SLC9A9: variants seen among roughly 807,000 people sequenced by gnomAD.
SLC9A9 encodes solute carrier family 9 member A9.
A neutral mutation model predicts 77.8 loss-of-function variants in SLC9A9; 62 were observed. That is an observed-to-expected ratio of 0.80 (90% CI 0.65 to 0.98). The LOEUF (loss-of-function observed/expected upper bound fraction) is 0.98, where lower values mean the gene tolerates loss of function less well. SLC9A9 is among the 50% of genes least tolerant of loss of function. SLC9A9 has a pLI of 0.00. For synonymous variants in SLC9A9, 320 were observed against 283.5 expected (o/e 1.13, Z -1.29); for missense variants, 775 against 774.9 (o/e 1.00, Z 0.00).
chr3:143,731,289 GAGTAGGCCTCTGATTCCCA>G (rs1195108821), intron 4 of SLC9A9, among the ~76,000 whole-genome samples: 1 of 152,212 alleles, frequency 6.6e-6, no homozygotes, highest in Non-Finnish European at 1.5e-5. Context: ...AAAGGTTGCT[GAGTAGGCCTCTGATTCCCA>G]AGTCTAAGTT....
chr3:143,643,988 A>AC (rs1183441603), intron 6 of SLC9A9, among the ~76,000 whole-genome samples: 1 of 149,012 alleles, frequency 6.7e-6, no homozygotes, highest in Non-Finnish European at 1.5e-5. Context: ...AAAAAAAAAA[A>AC]GTAAGCCTGG....
At chr3:143,542,860 T>C (rs1216385064) in intron 9 of SLC9A9, among the ~76,000 whole-genome samples, 2 of 152,206 alleles carry the variant, frequency 1.3e-5, no homozygotes, top group African/African-American at 2.4e-5. Context: ...AAACTTTTCA[T>C]ATAGACCACA....
intron 12 of SLC9A9, among the ~76,000 whole-genome samples, chr3:143,442,923 A>G (rs528357873): frequency 7.9e-5 from 12 of 152,330 alleles, no homozygotes; most frequent in Admixed American, 6.5e-4. Flanking sequence ...GATGAATGAC[A>G]AAGATTTTCC....
chr3:143,837,846 T>C (rs1194235570), intron 1 of SLC9A9, among the ~76,000 whole-genome samples: 1 of 152,196 alleles, frequency 6.6e-6, no homozygotes, highest in Admixed American at 6.5e-5. Flanking sequence ...GCTCTCTTCT[T>C]TTCCAGCATA....
At chr3:143,625,295 C>A (rs1478273699) in intron 6 of SLC9A9, among the ~76,000 whole-genome samples, 1 of 152,174 alleles carries the variant, frequency 6.6e-6, no homozygotes, top group South Asian at 2.1e-4. Flanking sequence ...AAAAAAGAGC[C>A]CGCATTGCCA....
At chr3:143,814,390 C>T (rs2008950038) in intron 2 of SLC9A9, among the ~76,000 whole-genome samples, 2 of 151,994 alleles carry the variant, frequency 1.3e-5, no homozygotes, top group South Asian at 4.2e-4. Context: ...AAAAAAGAGC[C>T]AAGGATCAAG....
chr3:143,748,265 C>T (rs1935243837), intron 4 of SLC9A9, among the ~76,000 whole-genome samples: 1 of 152,142 alleles, frequency 6.6e-6, no homozygotes, highest in South Asian at 2.1e-4. Context: ...ATCCGGGACC[C>T]CACAAATATA....
chr3:143,424,031 T>A (rs2034358536), intron 12 of SLC9A9, among the ~76,000 whole-genome samples: 1 of 152,196 alleles, frequency 6.6e-6, no homozygotes, highest in Non-Finnish European at 1.5e-5. Context: ...TAGGAACTGT[T>A]CCAGATTAAA....
intron 15 of SLC9A9, among the ~76,000 whole-genome samples, chr3:143,267,371 CAG>C (rs1181373136): frequency 1.9e-5 from 2 of 104,984 alleles, no homozygotes; most frequent in Non-Finnish European, 3.4e-5. Context: ...TTTTTTGAGA[CAG>C]AGTCTCACTC....
At chr3:143,406,090 G>A (rs2033973162) in intron 12 of SLC9A9, among the ~76,000 whole-genome samples, 1 of 152,174 alleles carries the variant, frequency 6.6e-6, no homozygotes, top group Non-Finnish European at 1.5e-5. Flanking sequence ...AAATCTTGTT[G>A]ATATGCTAGC....
At position 143,790,404 on chromosome 3, in the gene SLC9A9, C is replaced by A. The variant is rs141952117; in HGVS notation, c.533+4597G>T. 5.3e-5 allele frequency among the ~76,000 whole-genome samples: 8 copies of A among 152,252 alleles called. No homozygotes were observed. In the East Asian group the frequency reaches 1.5e-3, roughly 29 times the overall value. On this transcript the variant is annotated intron_variant, in intron 4 of 15. Coordinates refer to ENST00000316549, the MANE Select transcript of SLC9A9 (RefSeq NM_173653.4). Reference sequence around the variant, plus strand: ...TCCTGTTTGCAATTATATTCACAGCCAATTCTGAAATATTTAGATTTTTCA... The same window carrying A: ...TCCTGTTTGCAATTATATTCACAGCAAATTCTGAAATATTTAGATTTTTCA...
At chr3:143,480,549 C>T (rs903151356) in intron 11 of SLC9A9, among the ~76,000 whole-genome samples, 1 of 152,080 alleles carries the variant, frequency 6.6e-6, no homozygotes, top group African/African-American at 2.4e-5. Flanking sequence ...TGGCTCATTT[C>T]CTGCATAAGC....
chr3:143,773,555 G>T (rs1439937270), intron 4 of SLC9A9, among the ~76,000 whole-genome samples: 4 of 151,562 alleles, frequency 2.6e-5, no homozygotes, highest in African/African-American at 9.7e-5. Flanking sequence ...CGCGATCTTG[G>T]CTCACTGCAA....
chr3:143,781,809 C>T (rs936878334), intron 4 of SLC9A9, among the ~76,000 whole-genome samples: 4 of 152,106 alleles, frequency 2.6e-5, no homozygotes, highest in African/African-American at 9.7e-5. Context: ...ATGTAGCTTG[C>T]CTTTTGGAAA....
chr3:143,348,667 C>A (rs1167150955), intron 14 of SLC9A9, among the ~76,000 whole-genome samples: 1 of 152,110 alleles, frequency 6.6e-6, no homozygotes, highest in East Asian at 1.9e-4. Flanking sequence ...TTGTTATAAG[C>A]ACTTCCATTG....
intron 5 of SLC9A9, among the ~76,000 whole-genome samples, chr3:143,691,095 G>C (rs556111927): frequency 6.6e-5 from 10 of 152,096 alleles, no homozygotes; most frequent in Admixed American, 5.9e-4. Context: ...CTGTGGTTGA[G>C]CCTGAGATTT....
intron 12 of SLC9A9, among the ~76,000 whole-genome samples, chr3:143,430,290 C>T (rs924576): frequency 0.086 from 13,068 of 152,184 alleles, 741 homozygotes; most frequent in South Asian, 0.17. Flanking sequence ...TGACCCCATC[C>T]CCCAGCCTGT....
chr3:143,827,472 T>C (rs1304991355), intron 2 of SLC9A9, among the ~76,000 whole-genome samples: 1 of 152,198 alleles, frequency 6.6e-6, no homozygotes, highest in Admixed American at 6.5e-5. Context: ...GTTTGGCATA[T>C]GGTGTTTCCT....
chr3:143,399,284 T>G (rs1291928527), intron 12 of SLC9A9, among the ~76,000 whole-genome samples: 2 of 152,170 alleles, frequency 1.3e-5, no homozygotes, highest in Non-Finnish European at 2.9e-5. Context: ...TGAGACGGAT[T>G]AAAGTAAATC....
Sources: gnomAD v4.1 joint callset for allele counts (sites outside exome capture counted in the v4.1 genomes callset) on GRCh38, gnomAD v4.1.1 for gene constraint, MANE v1.5 for transcripts, NCBI Gene and HGNC (gene_info 2026-07-23, HGNC 2026-07-21) for gene names.